COL28A1: variants seen among roughly 807,000 people sequenced by gnomAD.
COL28A1 encodes collagen type XXVIII alpha 1 chain, also known as collagen alpha-1(XXVIII) chain.
COL28A1 carries 161 observed loss-of-function variants against 150.2 expected under a neutral mutation model. That is an observed-to-expected ratio of 1.07 (90% confidence interval 0.94 to 1.22). The LOEUF is 1.22. Among genes scored for constraint, COL28A1 ranks in the 50% most tolerant of loss-of-function variants. The probability of loss-of-function intolerance (pLI) is 0.00; values close to 1 mark genes in which losing one functional copy is unlikely to be tolerated. For synonymous variants in COL28A1, 552 were observed against 469.7 expected, an observed-to-expected ratio of 1.18 and a Z score of -2.26; for missense variants, 1,617 against 1,388.3, an observed-to-expected ratio of 1.16 and a Z score of -2.62.
rs572481770 is a variant in COL28A1 at position 7,526,599 on chromosome 7, T to A, written c.682-2350A>T. Among the ~76,000 whole-genome samples the A allele has an allele frequency of 2.6e-5, 4 of 152,304 alleles. No homozygotes were observed. In the East Asian group the frequency reaches 7.7e-4, roughly 29 times the overall value. On this transcript the variant is annotated intron_variant, in intron 3 of 34. Transcript: ENST00000399429. ...CTGAAATAAAGAAAAATTTAAATAT[T>A]TGTCACTTTAAAATCTTTTAACAAT...
At chr7:7,399,405 A>G (rs1379163077) in intron 27 of COL28A1, among the ~76,000 whole-genome samples, 4 of 152,192 alleles carry the variant, frequency 2.6e-5, no homozygotes, top group African/African-American at 9.6e-5. Context: ...CCTACTTATT[A>G]TAAACTCCCA....
At chr7:7,374,038 A>AATATATATATATATATATAT (rs60964603) in intron 31 of COL28A1, among the ~76,000 whole-genome samples, 1 of 113,620 alleles carries the variant, frequency 8.8e-6, no homozygotes, top group African/African-American at 3.8e-5. Context: ...AAAAAAAAAA[A>AATATATATATATATATATAT]ATATATATAT....
chr7:7,349,019 T>G, the COL28A1 span, among the ~76,000 whole-genome samples: 1 of 152,146 alleles, frequency 6.6e-6, no homozygotes, highest in Non-Finnish European at 1.5e-5. Context: ...TAGCTGAGAT[T>G]ATAGGCATGA....
chr7:7,426,045 G>GTTC (rs1784628800), intron 25 of COL28A1, among the ~76,000 whole-genome samples: 1 of 152,128 alleles, frequency 6.6e-6, no homozygotes, highest in East Asian at 1.9e-4. Flanking sequence ...AGAAGAAGGT[G>GTTC]GAAGCAAGAT....
intron 23 of COL28A1, among the ~76,000 whole-genome samples, chr7:7,435,465 G>A (rs773569192): frequency 3.2e-4 from 49 of 152,246 alleles, no homozygotes; most frequent in Middle Eastern, 3.4e-3. Context: ...CCCAGTTTTA[G>A]CCCGGAAAGT....
chr7:7,473,796 T>A (rs1788632593), intron 15 of COL28A1, among the ~76,000 whole-genome samples: 1 of 152,060 alleles, frequency 6.6e-6, no homozygotes, highest in Admixed American at 6.6e-5. Flanking sequence ...CAAATGCCCA[T>A]CAATCAATGA....
intron 13 of COL28A1, among the ~76,000 whole-genome samples, chr7:7,477,755 A>C (rs1254433858): frequency 6.6e-6 from 1 of 152,182 alleles, no homozygotes; most frequent in African/African-American, 2.4e-5. Context: ...CAAAAGAACA[A>C]AGCTTCCACG....
chr7:7,536,477 G>A (rs750300440), upstream of COL28A1, among the ~76,000 whole-genome samples: 27 of 152,052 alleles, frequency 1.8e-4, no homozygotes, highest in Non-Finnish European at 3.1e-4. Context: ...AACATGAGAG[G>A]TTTACAGCGG....
intron 33 of COL28A1, among the ~76,000 whole-genome samples, chr7:7,361,261 T>C (rs1780637019): frequency 7.1e-6 from 1 of 141,056 alleles, no homozygotes; most frequent in Non-Finnish European, 1.5e-5. Flanking sequence ...TTCATCCAAA[T>C]TTATGATATA....
At chr7:7,488,401 C>T (rs1779740899) in intron 13 of COL28A1, among the ~76,000 whole-genome samples, 1 of 152,182 alleles carries the variant, frequency 6.6e-6, no homozygotes, top group Non-Finnish European at 1.5e-5. Context: ...TGTGAATATA[C>T]ACATGTGAGG....
intron 15 of COL28A1, among the ~76,000 whole-genome samples, chr7:7,470,901 A>T (rs1423265639): frequency 7.8e-6 from 1 of 128,694 alleles, no homozygotes; most frequent in Non-Finnish European, 1.6e-5. Flanking sequence ...CATAGGTGGG[A>T]ATTGAACAAT....
intron 8 of COL28A1, among the ~76,000 whole-genome samples, chr7:7,513,916 G>A (rs552831885): frequency 6.6e-6 from 1 of 152,326 alleles, no homozygotes; most frequent in Admixed American, 6.5e-5. Context: ...CATGGTTTCA[G>A]AAAGCGAGTA....
chr7:7,416,282 T>C (rs556020059), intron 27 of COL28A1, among the ~76,000 whole-genome samples: 1 of 152,296 alleles, frequency 6.6e-6, no homozygotes, highest in Admixed American at 6.5e-5. Context: ...GGATGGAGTT[T>C]AGACACAGCA....
Position 7,373,416 on chromosome 7 carries a change from C to T in COL28A1, c.2490G>A (p.Leu830=), listed in dbSNP as rs1781342017. The T allele has an allele frequency of 6.2e-7, 1 of 1,614,034 alleles. No homozygotes were observed. Among genetic ancestry groups the T allele is most frequent in the South Asian group, 1.1e-5 (1 of 91,080 alleles). ...FVKTMADRVA[L]DLATARIGII... is the part of the protein sequence containing the mutation. ...TGCCTATGCGGGCCGTGGCAAGGTC[C>T]AGAGCAACCCGGTCAGCCATAGTCT... is the stretch of plus-strand genomic sequence containing the variant. Residue 830 remains leucine (L), a synonymous_variant, in exon 32 of 35, where the codon CTG becomes CTA. Transcript: ENST00000399429. The surrounding 1 kb of genome is among the most constrained non-coding windows in gnomAD (Gnocchi z 4.1).
At chr7:7,397,298 T>C (rs1480383301) in intron 27 of COL28A1, among the ~76,000 whole-genome samples, 1 of 152,150 alleles carries the variant, frequency 6.6e-6, no homozygotes, top group Non-Finnish European at 1.5e-5. Context: ...GCATCTTCCA[T>C]AGTCTCTTCT....
At chr7:7,421,543 C>T (rs1308476925) in intron 25 of COL28A1, among the ~76,000 whole-genome samples, 1 of 152,168 alleles carries the variant, frequency 6.6e-6, no homozygotes, top group Non-Finnish European at 1.5e-5. Context: ...GCCTTAGGTC[C>T]TGTTTTGCCC....
intron 23 of COL28A1, 33 bp from the exon 24 acceptor site, chr7:7,432,733 G>A (rs750726256): frequency 5.2e-5 from 80 of 1,552,048 alleles, no homozygotes; most frequent in Middle Eastern, 2.1e-4. Flanking sequence ...GATATCATGA[G>A]ACTCAACTAG....
At chr7:7,348,437 T>G in the COL28A1 span, among the ~76,000 whole-genome samples, 1 of 151,974 alleles carries the variant, frequency 6.6e-6, no homozygotes, top group African/African-American at 2.4e-5. Flanking sequence ...ATAAGAGATC[T>G]CCAGTCTCTG....
chr7:7,410,205 T>C (rs944714400), intron 27 of COL28A1, among the ~76,000 whole-genome samples: 1 of 152,186 alleles, frequency 6.6e-6, no homozygotes, highest in Non-Finnish European at 1.5e-5. Context: ...GAGAATACTG[T>C]GGACTTTTGA....
Sources: allele counts gnomAD v4.1 joint callset (sites outside exome capture counted in the v4.1 genomes callset), GRCh38; gene constraint gnomAD v4.1.1; non-coding constraint Gnocchi (gnomAD v3.1); transcripts MANE v1.5; gene names NCBI Gene and HGNC (gene_info 2026-07-23, HGNC 2026-07-21).